BEND7: variants seen among roughly 807,000 people sequenced by gnomAD.
BEND7 encodes BEN domain containing 7.
Under a neutral mutation model 50.9 loss-of-function variants are expected in BEND7, and 28 were observed. That is an observed-to-expected ratio of 0.55 (90% CI 0.41 to 0.75). The LOEUF is 0.75. Among genes scored for constraint, BEND7 ranks in the 30% least tolerant of loss-of-function variants. The probability of loss-of-function intolerance (pLI) is 0.00; values close to 1 mark genes in which losing one functional copy is unlikely to be tolerated. For missense variants in BEND7, 477 were observed against 491.3 expected (o/e 0.97, Z 0.28); for synonymous variants, 170 against 183.9 (o/e 0.92, Z 0.61).
At chr10:13,521,030 T>TTTC (rs1417714735) in intron 2 of BEND7, among the ~76,000 whole-genome samples, 2 of 152,198 alleles carry the variant, frequency 1.3e-5, no homozygotes, top group Non-Finnish European at 2.9e-5. Context: ...TCAGGTGCTG[T>TTTC]ATGAAGCCTT....
intron 5 of BEND7, among the ~76,000 whole-genome samples, chr10:13,490,482 T>A (rs1260606574): frequency 6.6e-6 from 1 of 152,244 alleles, no homozygotes; most frequent in African/African-American, 2.4e-5. Flanking sequence ...GTGTCCCTCC[T>A]GAATGTCTCT....
downstream of BEND7, among the ~76,000 whole-genome samples, chr10:13,440,818 A>G (rs1215650151): frequency 6.6e-6 from 1 of 152,284 alleles, no homozygotes; most frequent in Non-Finnish European, 1.5e-5. Context: ...TTAGGCTTCA[A>G]GCATCTCTGT....
At chr10:13,528,391 C>T (rs1342106328) in intron 1 of BEND7, 82 bp downstream of exon 1, 44 of 638,186 alleles carry the variant, frequency 6.9e-5, no homozygotes, top group Admixed American at 1.3e-4. Flanking sequence ...TCCGGGAGGG[C>T]GCGCCCCCCA....
Position 13,492,698 on chromosome 10 carries a change from T to C in BEND7, c.750A>G (p.Leu250=), listed in dbSNP as rs368687064. 2 of 1,614,184 alleles carry C rather than the reference T, an allele frequency of 1.2e-6. No individual in the cohort carries two copies. Among genetic ancestry groups the C allele is most frequent in the South Asian group, 1.1e-5 (1 of 91,082 alleles). The change falls in exon 5 of 9, where the codon CTA becomes CTG. Residue 250 remains leucine (L), a synonymous_variant. Transcript: ENST00000466271. ...TGTGCTCGGCTGCCTGGAGAGCAGA[T>C]AGCTCAGAGGCCACCACCGACTTTT... is the stretch of plus-strand genomic sequence containing the variant. ...MEKKSVVASE[L]SALQAAEHTS...
downstream of BEND7, among the ~76,000 whole-genome samples, chr10:13,440,225 C>A (rs1417281702): frequency 6.6e-6 from 1 of 152,150 alleles, no homozygotes. Flanking sequence ...TCCCTGCCAG[C>A]CCTGTGGGAT....
intron 5 of BEND7, among the ~76,000 whole-genome samples, chr10:13,482,755 T>G (rs992170574): frequency 4.6e-4 from 70 of 152,236 alleles, no homozygotes; most frequent in Non-Finnish European, 1.3e-4. Context: ...GGTTTTCCCC[T>G]TAACTTCTGC....
chr10:13,503,366 A>G (rs2077623377), intron 2 of BEND7, among the ~76,000 whole-genome samples: 1 of 152,230 alleles, frequency 6.6e-6, no homozygotes, highest in Admixed American at 6.5e-5. Flanking sequence ...GTCCCTCCTC[A>G]GAGGAAGTAA....
At chr10:13,511,223 T>C (rs2078252520) in intron 2 of BEND7, 1 of 152,110 alleles carries the variant, frequency 6.6e-6, no homozygotes, top group Non-Finnish European at 1.5e-5. Flanking sequence ...TAGTCAAGTG[T>C]ATTAGTGAGA....
intron 5 of BEND7, among the ~76,000 whole-genome samples, chr10:13,481,698 A>C (rs959406323): frequency 2.0e-5 from 3 of 152,220 alleles, no homozygotes; most frequent in Admixed American, 6.5e-5. Context: ...TAATATGTAA[A>C]ATAAGTAAAA....
At chr10:13,439,407 T>C (rs752918198), downstream of BEND7, 2 of 1,614,110 alleles carry the variant, frequency 1.2e-6, no homozygotes, top group Non-Finnish European at 1.7e-6. Flanking sequence ...CTGTCCCTTT[T>C]CTTGTGACAT....
At chr10:13,476,223 A>G (rs2075422437) in intron 6 of BEND7, among the ~76,000 whole-genome samples, 1 of 152,182 alleles carries the variant, frequency 6.6e-6, no homozygotes, top group African/African-American at 2.4e-5. Context: ...AGAGCCTGTG[A>G]AAGTGTGACA....
chr10:13,455,946 C>T (rs1327377532), intron 6 of BEND7, among the ~76,000 whole-genome samples: 1 of 152,126 alleles, frequency 6.6e-6, no homozygotes, highest in Non-Finnish European at 1.5e-5. Flanking sequence ...GGCTATGCAG[C>T]GTGGCGGGAG....
At chr10:13,470,033 C>G (rs2074652976) in intron 6 of BEND7, among the ~76,000 whole-genome samples, 1 of 152,194 alleles carries the variant, frequency 6.6e-6, no homozygotes, top group South Asian at 2.1e-4. Flanking sequence ...GGAATGCAAT[C>G]TGACTGACTC....
intron 2 of BEND7, among the ~76,000 whole-genome samples, chr10:13,519,440 C>A (rs2078931440): frequency 6.6e-6 from 1 of 151,284 alleles, no homozygotes; most frequent in Admixed American, 6.6e-5. Flanking sequence ...GGCGCCACTG[C>A]ACTCCAGCCT....
chr10:13,514,636 A>T (rs1265609761), intron 2 of BEND7, among the ~76,000 whole-genome samples: 1 of 152,126 alleles, frequency 6.6e-6, no homozygotes, highest in Non-Finnish European at 1.5e-5. Context: ...CGGCACCAGG[A>T]TCTCCCTCCC....
At chr10:13,503,828 G>C (rs1399604361) in intron 2 of BEND7, among the ~76,000 whole-genome samples, 4 of 152,246 alleles carry the variant, frequency 2.6e-5, no homozygotes, top group Non-Finnish European at 5.9e-5. Context: ...AGTCGGCAGG[G>C]AAGGTTGAAG....
intron 2 of BEND7, among the ~76,000 whole-genome samples, chr10:13,512,290 A>G (rs117936805): frequency 2.1e-4 from 32 of 152,276 alleles, no homozygotes; most frequent in African/African-American, 7.7e-4. Context: ...CAAACTGGAA[A>G]CTTGGTCCAT....
chr10:13,527,804 C>T (rs890721262), intron 1 of BEND7: 1 of 979,140 alleles, frequency 1.0e-6, no homozygotes, highest in Non-Finnish European at 1.2e-6. Flanking sequence ...TCCACTTTCC[C>T]CTCCCTGACA....
intron 1 of BEND7, 60 bp downstream of exon 1, chr10:13,528,413 C>A (rs948096356): frequency 2.3e-6 from 2 of 859,022 alleles, no homozygotes; most frequent in Non-Finnish European, 2.8e-6. Context: ...CGTGGACCCC[C>A]GCGGGCGGCC....
Sources: allele counts gnomAD v4.1 joint callset (sites outside exome capture counted in the v4.1 genomes callset), GRCh38; gene constraint gnomAD v4.1.1; transcripts MANE v1.5; gene names NCBI Gene and HGNC (gene_info 2026-07-23, HGNC 2026-07-21).